Variants in CD163 observed in about 807,000 individuals in gnomAD.
The protein encoded by CD163 is scavenger receptor cysteine-rich type 1 protein M130.
CD163 carries 64 observed loss-of-function variants against 129.2 expected under a neutral mutation model. The observed-to-expected ratio is 0.50, with a 90% CI of 0.41 to 0.61. CD163 has a LOEUF of 0.61. Among genes scored for constraint, CD163 ranks in the 20% least tolerant of loss-of-function variants. CD163 has a pLI of 0.00. For synonymous variants in CD163, 446 were observed against 478.5 expected, an observed-to-expected ratio of 0.93 and a Z score of 0.89; for missense variants, 1,061 against 1,377.9, an observed-to-expected ratio of 0.77 and a Z score of 3.64.
intron 12 of CD163, 42 bp downstream of exon 12, chr12:7,483,325 C>T (rs770685020): frequency 2.5e-6 from 4 of 1,570,036 alleles, no homozygotes; most frequent in Non-Finnish European, 2.6e-6. Context: ...CCCCTCTTTG[C>T]TGCCAGAGAT....
chr12:7,499,283 G>T, intron 3 of CD163, 95 bp from the exon 4 acceptor site: 2 of 1,106,598 alleles, frequency 1.8e-6, no homozygotes, highest in Non-Finnish European at 2.6e-6. Context: ...ATTTTATGTT[G>T]TCCTTAAAAT....
intron 1 of CD163, among the ~76,000 whole-genome samples, 191 bp downstream of exon 1, chr12:7,503,454 G>A (rs774934300): frequency 2.0e-5 from 3 of 152,150 alleles, no homozygotes; most frequent in East Asian, 1.9e-4. Flanking sequence ...AATTAATGCC[G>A]ACTCTGATTC....
Position 7,483,499 on chromosome 12 carries a change from G to T in CD163, c.2956C>A (p.Gln986Lys). ...TTGAGCCATATCGGTCCAGTCCCCTGACCAAACTCTGCTTCTTTGAATGCT... is the reference window on the plus strand; with the variant it reads ...TTGAGCCATATCGGTCCAGTCCCCTTACCAAACTCTGCTTCTTTGAATGCT... ...LKAFKEAEFG[Q>K]GTGPIWLNEV... Residue 986 changes from glutamine to lysine, a missense_variant, in exon 12 of 17, where the codon CAG (glutamine) becomes AAG (lysine). Coordinates refer to ENST00000432237, the MANE Select transcript of CD163 (RefSeq NM_203416.4). The T allele has an allele frequency of 6.2e-7, 1 of 1,613,956 alleles. No homozygotes were observed. The highest frequency in any genetic ancestry group is 1.1e-5 in the South Asian group (1 of 91,078).
intron 11 of CD163, among the ~76,000 whole-genome samples, 180 bp from the exon 12 acceptor site, chr12:7,483,855 T>TTG (rs1314299210): frequency 7.3e-6 from 1 of 136,296 alleles, no homozygotes; most frequent in African/African-American, 3.0e-5. Context: ...TTTTTTTTTT[T>TTG]TTTGAGACAG....
chr12:7,479,808 C>T, intron 16 of CD163, 52 bp downstream of exon 16: 1 of 1,582,014 alleles, frequency 6.3e-7, no homozygotes, highest in East Asian at 2.3e-5. Context: ...TCTCAGTCCT[C>T]AAAAGGAATG....
At chr12:7,478,181 G>A (rs2136689022) in intron 16 of CD163, among the ~76,000 whole-genome samples, 1 of 152,126 alleles carries the variant, frequency 6.6e-6, no homozygotes, top group East Asian at 1.9e-4. Flanking sequence ...TTACATACTA[G>A]TGACTTTATT....
chr12:7,491,444 G>C (rs963009375), intron 6 of CD163, among the ~76,000 whole-genome samples: 7 of 151,690 alleles, frequency 4.6e-5, no homozygotes, highest in Non-Finnish European at 1.0e-4. Context: ...CTAAGTCTCT[G>C]ACTGTGTTTT....
In CD163 at chr12:7,486,998, A is replaced by G. The variant is rs1418707166; in HGVS notation, c.2051-12T>C. The G allele has an allele frequency of 2.5e-6, 4 of 1,606,566 alleles. No individual in the cohort carries two copies. The South Asian group carries it at 4.4e-5, about 18-fold the overall frequency. On this transcript the variant is annotated splice_polypyrimidine_tract_variant and intron_variant, in intron 8 of 16. Transcript: ENST00000432237. ...TTGGGACTGGTTTCCTGCAAACACC[A>G]AGGTACTCAGTCATACAAGACACAA... is the stretch of plus-strand genomic sequence containing the variant.
chr12:7,479,749 CA>C (rs1949136199), intron 16 of CD163, 110 bp downstream of exon 16: 11 of 1,113,498 alleles, frequency 9.9e-6, no homozygotes, highest in Non-Finnish European at 1.4e-5. Context: ...TGCACATAAG[CA>C]AATAAAATAT....
chr12:7,498,996 C>G lies in CD163; in HGVS notation c.650G>C (p.Gly217Ala), dbSNP rs761734963. ...ATCATCAAACCAGATTGGTCCAGAG[C>G]CTTCTCCAAAATTAGATGAACCAGA... is the stretch of plus-strand genomic sequence containing the variant. The part of the protein sequence containing the change: ...SFSGSSNFGE[G>A]SGPIWFDDLI... The change falls in exon 4 of 17, where the codon GGC becomes GCC. Residue 217 changes from glycine to alanine, a missense_variant. By Grantham distance (60) the Gly-to-Ala change is moderately conservative. Coordinates refer to ENST00000432237, the MANE Select transcript of CD163 (RefSeq NM_203416.4). The G allele has an allele frequency of 1.2e-6, 2 of 1,614,110 alleles. No individual in the cohort carries two copies. The highest frequency in any genetic ancestry group is 1.7e-6 in the Non-Finnish European group (2 of 1,180,010).
At chr12:7,489,822 C>G (rs1339995065) in intron 6 of CD163, among the ~76,000 whole-genome samples, 1 of 151,970 alleles carries the variant, frequency 6.6e-6, no homozygotes, top group African/African-American at 2.4e-5. Context: ...AACACTAATT[C>G]TTTAGTACAC....
intron 14 of CD163, among the ~76,000 whole-genome samples, chr12:7,482,381 A>G (rs369922354): frequency 1.3e-5 from 2 of 152,072 alleles, no homozygotes; most frequent in South Asian, 4.2e-4. Flanking sequence ...AATGAAAAAA[A>G]TCTGTAGAAA....
At position 7,479,869 on chromosome 12, in the gene CD163, T is replaced by C. The variant is rs779918471; in HGVS notation, c.*22A>G. On this transcript the variant is annotated 3_prime_UTR_variant, in exon 16 of 17. Coordinates refer to ENST00000432237, the MANE Select transcript of CD163 (RefSeq NM_203416.4). Reference sequence around the variant, plus strand: ...AATTCTCATCACTCACCTCACTGGGTTATAAATTCCCATTTTCCTTTTCAG... The same window carrying C: ...AATTCTCATCACTCACCTCACTGGGCTATAAATTCCCATTTTCCTTTTCAG... 1.9e-6 allele frequency: 3 copies of C among 1,612,308 alleles called. No homozygotes were observed. Among genetic ancestry groups the C allele is most frequent in the East Asian group, 4.5e-5 (2 of 44,800 alleles).
chr12:7,492,708 T>C (rs1440917407), intron 6 of CD163, among the ~76,000 whole-genome samples: 1 of 152,012 alleles, frequency 6.6e-6, no homozygotes, highest in East Asian at 1.9e-4. Flanking sequence ...GAAATATCAA[T>C]TTTATAAGGG....
intron 6 of CD163, 152 bp downstream of exon 6, chr12:7,494,929 A>G (rs188860619): frequency 3.0e-6 from 2 of 672,062 alleles, no homozygotes; most frequent in African/African-American, 1.8e-5. Context: ...CATGAATTGT[A>G]AACTTATCTG....
At chr12:7,491,485 C>T (rs910373610) in intron 6 of CD163, among the ~76,000 whole-genome samples, 3 of 151,958 alleles carry the variant, frequency 2.0e-5, no homozygotes, top group Non-Finnish European at 4.4e-5. Flanking sequence ...AATTTTTGCA[C>T]CTGGATTTAG....
intron 16 of CD163, among the ~76,000 whole-genome samples, chr12:7,476,318 C>T (rs192217359): frequency 2.2e-4 from 33 of 152,284 alleles, no homozygotes; most frequent in South Asian, 1.0e-3. Context: ...GGAAGCATCA[C>T]GCTATCTGAC....
Position 7,487,043 on chromosome 12 carries a change from G to A in CD163, c.2051-57C>T. ...ACACAAAAGGTTAGGGGAGTCAGAT[G>A]AAATGTTATATGGATGAGTTGAGGA... On this transcript the variant is annotated intron_variant, in intron 8 of 16. Transcript: ENST00000432237. This position sits in a 1 kb window ranked among gnomAD's most constrained non-coding sequence, Gnocchi z 5.1. The A allele has an allele frequency of 7.4e-7, 1 of 1,344,696 alleles. No homozygotes were observed. The highest frequency in any genetic ancestry group is 1.8e-5 in the Admixed American group (1 of 57,012). The allele number at this position is 1,344,696 out of a possible 1,614,324, so 83.3% of individuals were successfully genotyped here.
rs1949439650 is a variant in CD163 at position 7,498,917 on chromosome 12, C to T, written c.729G>A (p.Trp243Ter). Residue 243 changes from tryptophan to a stop codon, truncating the protein, a stop_gained, in exon 4 of 17, where the codon TGG (tryptophan) becomes TGA (stop). Transcript: ENST00000432237. LOFTEE classifies it high-confidence loss of function. ...SALWNCKHQG[W>*]GKHNCDHAED... ...CAGCATGATCACAGTTATGCTTTCC[C>T]CATCCTTGATGTTTGCAGTTCCAGA... 6.2e-7 allele frequency: 1 copy of T among 1,614,064 alleles called. No homozygotes were observed. The highest frequency in any genetic ancestry group is 8.5e-7 in the Non-Finnish European group (1 of 1,179,984).
Sources: gnomAD v4.1 joint callset for allele counts (sites outside exome capture counted in the v4.1 genomes callset) on GRCh38, gnomAD v4.1.1 for gene constraint, Gnocchi (gnomAD v3.1) non-coding constraint, MANE v1.5 for transcripts, NCBI Gene and HGNC (gene_info 2026-07-23, HGNC 2026-07-21) for gene names.